Variants in VWA8 observed in about 807,000 individuals in gnomAD.
VWA8 encodes the protein von Willebrand factor A domain-containing protein 8.
VWA8 carries 221 observed loss-of-function variants against 241.5 expected under a neutral mutation model. That is an observed-to-expected ratio of 0.91 (90% confidence interval 0.82 to 1.02). VWA8 has a LOEUF of 1.02. Ranked by LOEUF, VWA8 falls within the 50% of genes least tolerant of loss-of-function variation. The pLI is 0.00. For synonymous variants in VWA8, 852 were observed against 827.1 expected (o/e 1.03, Z -0.52); for missense variants, 2,322 against 2,328.7 (o/e 1.00, Z 0.06).
At chr13:41,661,456 A>G (rs2044949663) in intron 37 of VWA8, among the ~76,000 whole-genome samples, 1 of 152,160 alleles carries the variant, frequency 6.6e-6, no homozygotes, top group Admixed American at 6.5e-5. Flanking sequence ...TTGTAGAACT[A>G]CTAACTCTGC....
intron 9 of VWA8, among the ~76,000 whole-genome samples, chr13:41,876,997 C>T (rs1247491130): frequency 6.6e-6 from 1 of 151,998 alleles, no homozygotes; most frequent in Admixed American, 6.6e-5. Context: ...CAACTAACAC[C>T]CACACATTAA....
intron 37 of VWA8, among the ~76,000 whole-genome samples, chr13:41,644,322 T>C (rs1301456848): frequency 6.6e-6 from 1 of 151,984 alleles, no homozygotes; most frequent in Non-Finnish European, 1.5e-5. Context: ...CTTGCCCATA[T>C]GCACTTCTCT....
At chr13:41,726,026 T>C (rs2045429872) in intron 24 of VWA8, among the ~76,000 whole-genome samples, 1 of 152,220 alleles carries the variant, frequency 6.6e-6, no homozygotes, top group Non-Finnish European at 1.5e-5. Flanking sequence ...TACAAGCATA[T>C]GCATGTACAC....
rs368799813 is a variant in VWA8, at chr13:41,677,536, C to A, written c.4328-2240G>T. Among the ~76,000 whole-genome samples the A allele has an allele frequency of 7.9e-5, 12 of 152,286 alleles. No individual in the cohort carries two copies. The East Asian group carries it at 1.5e-3, about 20-fold the overall frequency. On this transcript the variant is annotated intron_variant, in intron 35 of 44. Transcript: ENST00000379310. The stretch of plus-strand genomic sequence containing the variant: ...TACAGCTGGAGAGTGATGGAGATGG[C>A]TTCAAACCCAGGCCTCTTTAGCACT...
intron 14 of VWA8, among the ~76,000 whole-genome samples, chr13:41,827,449 C>A (rs73183402): frequency 0.062 from 9,431 of 152,030 alleles, 414 homozygotes; most frequent in Non-Finnish European, 0.097. Context: ...AAAGAAAAAC[C>A]TGAAGTTTGA....
chr13:41,639,770 G>A (rs1047379695), intron 37 of VWA8, among the ~76,000 whole-genome samples: 1 of 152,162 alleles, frequency 6.6e-6, no homozygotes, highest in Non-Finnish European at 1.5e-5. Context: ...CTACTTGAGA[G>A]TCGGCGGTGG....
At chr13:41,739,779 A>C (rs942686393) in intron 21 of VWA8, among the ~76,000 whole-genome samples, 1 of 151,956 alleles carries the variant, frequency 6.6e-6, no homozygotes, top group African/African-American at 2.4e-5. Context: ...ACAGGAGTTA[A>C]ACAATTCATT....
chr13:41,861,833 G>A (rs1463446437), intron 12 of VWA8, among the ~76,000 whole-genome samples: 1 of 152,076 alleles, frequency 6.6e-6, no homozygotes, highest in Non-Finnish European at 1.5e-5. Context: ...AACATGCTGT[G>A]CTCCTAAGAA....
intron 12 of VWA8, among the ~76,000 whole-genome samples, chr13:41,844,940 GA>G (rs1266513266): frequency 6.6e-6 from 1 of 152,086 alleles, no homozygotes; most frequent in Non-Finnish European, 1.5e-5. Context: ...TCATGGATTA[GA>G]AGAATAAATA....
At chr13:41,638,524 G>A (rs551529708) in intron 37 of VWA8, among the ~76,000 whole-genome samples, 2 of 152,208 alleles carry the variant, frequency 1.3e-5, no homozygotes, top group Admixed American at 1.3e-4. Context: ...TATCATGGAA[G>A]CCATGAGAAG....
At chr13:41,891,292 C>A (rs1157820609) in intron 5 of VWA8, 128 bp downstream of exon 5, 11 of 1,089,996 alleles carry the variant, frequency 1.0e-5, no homozygotes, top group Admixed American at 2.4e-5. Context: ...ATGACTCTAG[C>A]AATTTACCCA....
chr13:41,704,462 A>ATTTT (rs1566421929), intron 26 of VWA8, among the ~76,000 whole-genome samples: 1 of 149,124 alleles, frequency 6.7e-6, no homozygotes, highest in Non-Finnish European at 1.5e-5. Context: ...TTAAGTCTTC[A>ATTTT]CTTTTTTTTT....
chr13:41,954,060 T>C (rs926980158), intron 1 of VWA8, among the ~76,000 whole-genome samples: 4 of 152,212 alleles, frequency 2.6e-5, no homozygotes, highest in African/African-American at 9.6e-5. Context: ...ATGACATTCA[T>C]ATGGACCAGG....
intron 26 of VWA8, among the ~76,000 whole-genome samples, chr13:41,708,983 G>C (rs1457141895): frequency 6.6e-6 from 1 of 152,068 alleles, no homozygotes; most frequent in Non-Finnish European, 1.5e-5. Flanking sequence ...TCTGCCATCT[G>C]CTTTATCAGT....
intron 20 of VWA8, among the ~76,000 whole-genome samples, chr13:41,764,393 T>C (rs1207516088): frequency 1.3e-5 from 2 of 152,110 alleles, no homozygotes; most frequent in East Asian, 3.8e-4. Context: ...GAGCACCTAA[T>C]ATTACAGCAC....
intron 25 of VWA8, among the ~76,000 whole-genome samples, chr13:41,720,297 T>C (rs1470612179): frequency 1.3e-5 from 2 of 152,144 alleles, no homozygotes; most frequent in African/African-American, 2.4e-5. Context: ...AGTCCTTTCC[T>C]GGGTCTGCTT....
chr13:41,606,875 A>G (rs187626736), intron 39 of VWA8, among the ~76,000 whole-genome samples: 1 of 152,294 alleles, frequency 6.6e-6, no homozygotes, highest in Non-Finnish European at 1.5e-5. Flanking sequence ...GTCTTGCTTG[A>G]GCCCTTGCAT....
chr13:41,829,559 A>ACG (rs1287340857), intron 14 of VWA8, among the ~76,000 whole-genome samples: 1 of 143,262 alleles, frequency 7.0e-6, no homozygotes, highest in African/African-American at 2.5e-5. Context: ...ACACACACAC[A>ACG]CACACACATG....
intron 17 of VWA8, 64 bp from the exon 18 acceptor site, chr13:41,787,607 TACACACACAC>T (rs112297676): frequency 1.8e-4 from 106 of 604,048 alleles, no homozygotes; most frequent in Admixed American, 2.6e-4. Context: ...GATTCTTAAA[TACACACACAC>T]ACACACACAC....
Sources: allele counts gnomAD v4.1 joint callset (sites outside exome capture counted in the v4.1 genomes callset), GRCh38; gene constraint gnomAD v4.1.1; transcripts MANE v1.5; gene names NCBI Gene and HGNC (gene_info 2026-07-23, HGNC 2026-07-21).